GALNT2: variants seen among roughly 807,000 people sequenced by gnomAD.
GALNT2 encodes polypeptide N-acetylgalactosaminyltransferase 2, also known as UDP-GalNAc:polypeptide N-acetylgalactosaminyltransferase 2.
Under a neutral mutation model 81.4 loss-of-function variants are expected in GALNT2, and 31 were observed. The observed-to-expected ratio is 0.38, with a 90% CI of 0.29 to 0.51. GALNT2 has a LOEUF of 0.51. Ranked by LOEUF, GALNT2 falls within the 20% of genes least tolerant of loss-of-function variation. GALNT2 has a pLI of 0.87. For synonymous variants in GALNT2, 303 were observed against 287.4 expected (o/e 1.05, Z -0.55); for missense variants, 629 against 765.7 (o/e 0.82, Z 2.11).
intron 1 of GALNT2, among the ~76,000 whole-genome samples, chr1:230,075,912 G>C (rs1461956736): frequency 6.6e-6 from 1 of 152,114 alleles, no homozygotes. Context: ...GTAGCCCCTG[G>C]TTTCATCTTC....
chr1:230,207,815 A>C, intron 3 of GALNT2, among the ~76,000 whole-genome samples: 1 of 152,208 alleles, frequency 6.6e-6, no homozygotes, highest in Middle Eastern at 3.2e-3. Flanking sequence ...TCCTGGCCTC[A>C]AGCAATTCTC....
chr1:230,082,216 CTG>C (rs769843356), intron 1 of GALNT2, among the ~76,000 whole-genome samples: 8 of 152,204 alleles, frequency 5.3e-5, no homozygotes, highest in Admixed American at 1.3e-4. Context: ...GGGAAGGTCT[CTG>C]TTTCTTTGTG....
At chr1:230,190,044 C>T (rs1179576508) in intron 2 of GALNT2, among the ~76,000 whole-genome samples, 1 of 152,106 alleles carries the variant, frequency 6.6e-6, no homozygotes, top group South Asian at 2.1e-4. Flanking sequence ...TTGTGGGGAG[C>T]GAAGTCTACG....
intron 3 of GALNT2, among the ~76,000 whole-genome samples, chr1:230,205,415 A>G (rs1664030793): frequency 6.6e-6 from 1 of 152,266 alleles, no homozygotes; most frequent in East Asian, 1.9e-4. Context: ...ATATGTAAAC[A>G]TACATATCTT....
intron 3 of GALNT2, among the ~76,000 whole-genome samples, chr1:230,217,755 C>T (rs1664434295): frequency 6.6e-6 from 1 of 152,168 alleles, no homozygotes; most frequent in Non-Finnish European, 1.5e-5. Flanking sequence ...TGTATCCTCA[C>T]ATGGCAGAAG....
intron 1 of GALNT2, among the ~76,000 whole-genome samples, chr1:230,144,963 G>A (rs1368185545): frequency 6.6e-6 from 1 of 152,128 alleles, no homozygotes; most frequent in Admixed American, 6.5e-5. Flanking sequence ...GAGGTGAGAT[G>A]TGTAGTGATG....
At chr1:230,250,086 T>A (rs183897905) in intron 9 of GALNT2, among the ~76,000 whole-genome samples, 111 of 152,286 alleles carry the variant, frequency 7.3e-4, no homozygotes, top group African/African-American at 2.5e-3. Context: ...TGCCCATGAT[T>A]TTTTGCAATC....
intron 1 of GALNT2, among the ~76,000 whole-genome samples, chr1:230,160,274 A>G (rs1662389590): frequency 6.6e-6 from 1 of 152,190 alleles, no homozygotes; most frequent in African/African-American, 2.4e-5. Context: ...GTCTACAGAA[A>G]TCCTTTGTGC....
intron 1 of GALNT2, among the ~76,000 whole-genome samples, chr1:230,098,201 G>C (rs1358104296): frequency 3.9e-5 from 6 of 152,120 alleles, no homozygotes; most frequent in Non-Finnish European, 4.4e-5. Flanking sequence ...TCTCTAGAAT[G>C]AATGTGGAAG....
At chr1:230,249,834 G>T (rs1665487516) in intron 9 of GALNT2, among the ~76,000 whole-genome samples, 1 of 152,358 alleles carries the variant, frequency 6.6e-6, no homozygotes, top group Admixed American at 6.5e-5. Flanking sequence ...AAATATATTT[G>T]CTGACATTTA....
At chr1:230,187,374 A>T (rs572202743) in intron 2 of GALNT2, among the ~76,000 whole-genome samples, 1 of 152,340 alleles carries the variant, frequency 6.6e-6, no homozygotes, top group South Asian at 2.1e-4. Flanking sequence ...CCTTCACAGG[A>T]CTCAGCCCAC....
At position 230,132,714 on chromosome 1, in the gene GALNT2, T is replaced by A. The variant is rs539410783; in HGVS notation, c.127-45504T>A. On this transcript the variant is annotated intron_variant, in intron 1 of 15. Transcript: ENST00000366672. ...TGGTTGAAAGAATTAAAACAGCCAT[T>A]TAAAAAAATGTGACTATTTTGTTGC... Among the ~76,000 whole-genome samples the A allele has an allele frequency of 6.6e-5, 10 of 152,344 alleles. No individual in the cohort carries two copies. In the South Asian group the frequency reaches 2.1e-3, roughly 32 times the overall value.
chr1:230,099,861 C>T (rs1455325127), intron 1 of GALNT2, among the ~76,000 whole-genome samples: 1 of 152,216 alleles, frequency 6.6e-6, no homozygotes, highest in East Asian at 1.9e-4. Flanking sequence ...TGTGCCACAG[C>T]CTCCTTTCCA....
chr1:230,212,535 AGTCAGTGTGACATCTCTGCCT>A (rs1164114984), intron 3 of GALNT2, among the ~76,000 whole-genome samples: 15 of 152,254 alleles, frequency 9.9e-5, no homozygotes, highest in African/African-American at 1.4e-4. Context: ...TTGTGTGTTC[AGTCAGTGTGACATCTCTGCCT>A]GTCAGTGTGA....
intron 2 of GALNT2, among the ~76,000 whole-genome samples, chr1:230,201,823 A>G (rs909214983): frequency 6.6e-6 from 1 of 152,152 alleles, no homozygotes; most frequent in African/African-American, 2.4e-5. Context: ...GGAGAGTTGC[A>G]TGCCCACACC....
At chr1:230,182,274 G>C (rs1251381139) in intron 2 of GALNT2, among the ~76,000 whole-genome samples, 1 of 151,098 alleles carries the variant, frequency 6.6e-6, no homozygotes, top group Admixed American at 6.6e-5. Flanking sequence ...ACTTACTTTG[G>C]ATTTAACTTT....
In GALNT2 at chr1:230,067,362, G is replaced by T. The variant is rs867792034; in HGVS notation, c.82G>T (p.Gly28Cys). ...GIAYYMYSGG[G>C]SALAGGAGGG... Reference sequence around the variant, plus strand: ...CGCCTACTACATGTACTCGGGGGGCGGCTCTGCGCTGGCCGGGGGCGCGGG... The same window carrying T: ...CGCCTACTACATGTACTCGGGGGGCTGCTCTGCGCTGGCCGGGGGCGCGGG... The change falls in exon 1 of 16, where the codon GGC becomes TGC. Residue 28 changes from glycine (G) to cysteine (C), a missense_variant. By Grantham distance (159) the Gly-to-Cys change is radical (BLOSUM62 -3). Coordinates refer to ENST00000366672, the MANE Select transcript of GALNT2 (RefSeq NM_004481.5). 1 of 1,356,038 alleles carries T rather than the reference G, an allele frequency of 7.4e-7. No individual in the cohort carries two copies. The highest frequency in any genetic ancestry group is 9.6e-7 in the Non-Finnish European group (1 of 1,042,898). The allele number at this position is 1,356,038 out of a possible 1,614,324, so 84.0% of individuals were successfully genotyped here. A position where few individuals can be genotyped will look rare whatever the true frequency, so the allele number is the denominator to read the frequency against.
At chr1:230,098,307 A>G (rs1349298564) in intron 1 of GALNT2, among the ~76,000 whole-genome samples, 1 of 152,078 alleles carries the variant, frequency 6.6e-6, no homozygotes, top group African/African-American at 2.4e-5. Context: ...GTTTGTATGT[A>G]GTGTGAGCTC....
intron 8 of GALNT2, among the ~76,000 whole-genome samples, chr1:230,247,746 C>T (rs937389054): frequency 2.4e-4 from 36 of 151,932 alleles, no homozygotes; most frequent in African/African-American, 6.5e-4. Flanking sequence ...AACGGGGCCA[C>T]GTTCACCCTA....
Sources: gnomAD v4.1 joint callset for allele counts (sites outside exome capture counted in the v4.1 genomes callset) on GRCh38, gnomAD v4.1.1 for gene constraint, MANE v1.5 for transcripts, NCBI Gene and HGNC (gene_info 2026-07-23, HGNC 2026-07-21) for gene names.